MICU1: variants seen among roughly 807,000 people sequenced by gnomAD.
MICU1 encodes calcium uptake protein 1, mitochondrial.
A neutral mutation model predicts 56.8 loss-of-function variants in MICU1; 45 were observed. That is an observed-to-expected ratio of 0.79 (90% confidence interval 0.62 to 1.02). The LOEUF (loss-of-function observed/expected upper bound fraction) is 1.02. MICU1 is among the 50% of genes least tolerant of loss of function. The pLI, the probability that MICU1 is intolerant of heterozygous loss-of-function variation, is 0.00. For missense variants in MICU1, 504 were observed against 587.1 expected (o/e 0.86, Z 1.46); for synonymous variants, 186 against 195.1 (o/e 0.95, Z 0.39).
intron 8 of MICU1, among the ~76,000 whole-genome samples, chr10:72,464,881 C>T (rs954692515): frequency 2.6e-5 from 4 of 152,098 alleles, no homozygotes; most frequent in Non-Finnish European, 4.4e-5. Flanking sequence ...TGAGAGCTAA[C>T]CTGATCTCAT....
chr10:72,588,157 C>T (rs978651484), intron 1 of MICU1, among the ~76,000 whole-genome samples: 1 of 152,052 alleles, frequency 6.6e-6, no homozygotes, highest in Admixed American at 6.6e-5. Flanking sequence ...TGTAGTACTT[C>T]CCCCTCTTCT....
intron 5 of MICU1, among the ~76,000 whole-genome samples, chr10:72,521,503 C>T (rs1281667228): frequency 6.6e-6 from 1 of 152,028 alleles, no homozygotes; most frequent in African/African-American, 2.4e-5. Context: ...TTAGTAAATG[C>T]CAGGCACTGT....
chr10:72,532,977 C>G, intron 5 of MICU1: 1 of 1,280,136 alleles, frequency 7.8e-7, no homozygotes, highest in Non-Finnish European at 1.0e-6. Flanking sequence ...CCATCTAGAC[C>G]CTCTTTTGTG....
At chr10:72,369,952 A>G (rs369290319) in intron 11 of MICU1, among the ~76,000 whole-genome samples, 38 of 30,886 alleles carry the variant, frequency 1.2e-3, no homozygotes, top group African/African-American at 5.1e-3. Context: ...GCGATCTCGG[A>G]TCACTGCAAG....
At chr10:72,508,837 A>G (rs756625933) in intron 5 of MICU1, among the ~76,000 whole-genome samples, 2 of 152,224 alleles carry the variant, frequency 1.3e-5, no homozygotes, top group African/African-American at 2.4e-5. Flanking sequence ...TCTCTGAAAT[A>G]TAATGCCAAA....
At chr10:72,429,710 ATC>A (rs1415759044) in intron 8 of MICU1, among the ~76,000 whole-genome samples, 1 of 152,180 alleles carries the variant, frequency 6.6e-6, no homozygotes, top group East Asian at 1.9e-4. Context: ...CTCTACGTTT[ATC>A]TCTTAATATC....
chr10:72,523,775 G>A, intron 5 of MICU1: 1 of 1,414,378 alleles, frequency 7.1e-7, no homozygotes, highest in Non-Finnish European at 9.3e-7. Context: ...AAGAGCCCAA[G>A]CCTTCAAAGA....
chr10:72,476,902 AGCTAGAGGCATTATAACCCAATTTATGTT>A (rs1368944014), intron 7 of MICU1, among the ~76,000 whole-genome samples: 4 of 152,228 alleles, frequency 2.6e-5, no homozygotes, highest in Non-Finnish European at 4.4e-5. Context: ...TTAGCTTCCC[AGCTAGAGGCATTATAACCCAATTTATGTT>A]GGAGAATCGG....
intron 10 of MICU1, among the ~76,000 whole-genome samples, chr10:72,398,313 C>T (rs1289926938): frequency 6.6e-6 from 1 of 152,154 alleles, no homozygotes; most frequent in Non-Finnish European, 1.5e-5. Flanking sequence ...AAATTTATAG[C>T]ACTAAATGCC....
intron 6 of MICU1, among the ~76,000 whole-genome samples, chr10:72,497,120 C>T (rs572494379): frequency 2.0e-5 from 3 of 151,696 alleles, no homozygotes; most frequent in African/African-American, 7.3e-5. Context: ...AGTGTGGTGG[C>T]GCCATCTCAG....
At chr10:72,574,810 C>T (rs1840701039) in intron 1 of MICU1, among the ~76,000 whole-genome samples, 1 of 152,068 alleles carries the variant, frequency 6.6e-6, no homozygotes, top group African/African-American at 2.4e-5. Context: ...ACTTAAGCTG[C>T]TTAGAAACAG....
chr10:72,441,076 T>C (rs1406590642), intron 8 of MICU1, among the ~76,000 whole-genome samples: 3 of 152,178 alleles, frequency 2.0e-5, no homozygotes, highest in Admixed American at 2.0e-4. Flanking sequence ...TTATAAATCA[T>C]GCTACTATAA....
intron 2 of MICU1, among the ~76,000 whole-genome samples, chr10:72,565,742 A>G (rs75572292): frequency 0.04 from 6,055 of 152,222 alleles, 398 homozygotes; most frequent in African/African-American, 0.13. Context: ...TTGAACCCAG[A>G]GGCAGAGGTT....
intron 11 of MICU1, among the ~76,000 whole-genome samples, chr10:72,374,127 A>G (rs1464417526): frequency 2.0e-5 from 3 of 152,056 alleles, no homozygotes; most frequent in Non-Finnish European, 4.4e-5. Flanking sequence ...TATTTATTTA[A>G]TTGTACTTTT....
At chr10:72,384,823 C>T (rs1387101304) in intron 10 of MICU1, among the ~76,000 whole-genome samples, 3 of 152,148 alleles carry the variant, frequency 2.0e-5, no homozygotes, top group African/African-American at 7.2e-5. Context: ...CTGGCCAACA[C>T]TCCTCTTCAC....
At chr10:72,368,829 C>T (rs866175322) in intron 11 of MICU1, among the ~76,000 whole-genome samples, 14 of 152,010 alleles carry the variant, frequency 9.2e-5, no homozygotes, top group South Asian at 2.1e-4. Context: ...CAGCAATTGG[C>T]CAAGTTAAGG....
At chr10:72,368,843 G>T (rs1219243983) in intron 11 of MICU1, among the ~76,000 whole-genome samples, 3 of 152,214 alleles carry the variant, frequency 2.0e-5, no homozygotes, top group Admixed American at 6.5e-5. Context: ...GTTAAGGGGA[G>T]ATGAGGGAGG....
intron 1 of MICU1, among the ~76,000 whole-genome samples, chr10:72,613,397 C>T (rs1466265795): frequency 6.6e-6 from 1 of 151,796 alleles, no homozygotes; most frequent in Admixed American, 6.6e-5. Context: ...CCTCAGCCTC[C>T]TGAGTGGCTA....
chr10:72,386,651 C>T (rs1229921760), intron 10 of MICU1, among the ~76,000 whole-genome samples: 2 of 151,342 alleles, frequency 1.3e-5, no homozygotes, highest in East Asian at 3.9e-4. Flanking sequence ...CCTCAACCTC[C>T]TGGGCTCAAG....
Sources: allele counts gnomAD v4.1 joint callset (sites outside exome capture counted in the v4.1 genomes callset), GRCh38; gene constraint gnomAD v4.1.1; transcripts MANE v1.5; gene names NCBI Gene and HGNC (gene_info 2026-07-23, HGNC 2026-07-21).